The following ARID1A variants were observed in gnomAD, a reference collection of about 807,000 sequenced individuals.
ARID1A encodes the protein AT-rich interaction domain 1A, also known as AT-rich interactive domain-containing protein 1A.
Under a neutral mutation model 212.6 loss-of-function variants are expected in ARID1A, and 20 were observed. The observed-to-expected ratio is 0.09, with a 90% CI of 0.07 to 0.14. The LOEUF (loss-of-function observed/expected upper bound fraction) is 0.14. Among genes scored for constraint, ARID1A ranks in the 10% least tolerant of loss-of-function variants. ARID1A has a pLI of 1.00. For synonymous variants in ARID1A, 1,376 were observed against 1,222.1 expected (o/e 1.13, Z -2.63); for missense variants, 2,587 against 3,059.0 (o/e 0.85, Z 3.64).
In ARID1A at chr1:26,774,406, C is replaced by T. The variant is rs2124117517; in HGVS notation, c.4179C>T (p.Tyr1393=). ...AAGGGGAGATGTACAGCGTGCCATA[C>T]AGCACTGGGCAGGGGCAGCCTCAGC... ...RHEGEMYSVP[Y]STGQGQPQQQ... The change falls in exon 18 of 20, where the codon TAC becomes TAT. Residue 1393 remains tyrosine, a synonymous_variant. Coordinates refer to ENST00000324856, the MANE Select transcript of ARID1A (RefSeq NM_006015.6). The surrounding 1 kb of genome is among the most constrained non-coding windows in gnomAD (Gnocchi z 5.6). 6.2e-7 allele frequency: 1 copy of T among 1,610,206 alleles called. No homozygotes were observed. The highest frequency in any genetic ancestry group is 8.5e-7 in the Non-Finnish European group (1 of 1,177,608).
chr1:26,748,118 T>G (rs2080854138), intron 4 of ARID1A, among the ~76,000 whole-genome samples: 1 of 152,196 alleles, frequency 6.6e-6, no homozygotes, highest in African/African-American at 2.4e-5. Context: ...AGTATAAATT[T>G]AAGAGTTTAC....
At chr1:26,713,742 A>T (rs1187849282) in intron 1 of ARID1A, among the ~76,000 whole-genome samples, 2 of 152,132 alleles carry the variant, frequency 1.3e-5, no homozygotes, top group Non-Finnish European at 2.9e-5. Context: ...CAAGTTCCTA[A>T]ATGGTCTCTA....
intron 1 of ARID1A, among the ~76,000 whole-genome samples, chr1:26,722,659 G>C (rs1353545563): frequency 6.6e-6 from 1 of 152,246 alleles, no homozygotes; most frequent in African/African-American, 2.4e-5. Context: ...ACCAAAGGCA[G>C]ATGGTCAGTT....
chr1:26,765,543 A>T (rs1237259453), intron 8 of ARID1A: 1 of 151,580 alleles, frequency 6.6e-6, no homozygotes, highest in East Asian at 1.9e-4. Context: ...CTCTCTTAGT[A>T]TCTTTCGTGG....
chr1:26,756,051 G>T (rs1335485187), intron 4 of ARID1A, among the ~76,000 whole-genome samples: 3 of 151,782 alleles, frequency 2.0e-5, no homozygotes, highest in Middle Eastern at 3.4e-3. Context: ...CCAAGTTTTG[G>T]TTTTTTGTTT....
intron 13 of ARID1A, 74 bp from the exon 14 acceptor site, chr1:26,772,738 G>C (rs2124105870): frequency 1.2e-6 from 2 of 1,606,044 alleles, no homozygotes; most frequent in Non-Finnish European, 1.7e-6. Context: ...CCCAGCCAGT[G>C]ACTCCTGCGT....
chr1:26,735,056 G>A (rs1206402398), intron 4 of ARID1A, among the ~76,000 whole-genome samples: 1 of 150,986 alleles, frequency 6.6e-6, no homozygotes, highest in African/African-American at 2.4e-5. Context: ...TCCTGATCAT[G>A]TTATCCCTAT....
Position 26,697,434 on chromosome 1 carries a change from C to T in ARID1A, c.1031C>T (p.Ala344Val), listed in dbSNP as rs1398622047. The change falls in exon 1 of 20, where the codon GCT (alanine) becomes GTT (valine). Residue 344 changes from alanine to valine, a missense_variant. Coordinates refer to ENST00000324856, the MANE Select transcript of ARID1A (RefSeq NM_006015.6). Reference sequence around the variant, plus strand: ...TGTTGGGGGGCTGCGGCGGCGGCAGCTGCGGCGGCGGCCGCCTCGGGAGGG... The same window carrying T: ...TGTTGGGGGGCTGCGGCGGCGGCAGTTGCGGCGGCGGCCGCCTCGGGAGGG... ...SQCWGAAAAA[A>V]AAAAASGGAQ... is the part of the protein sequence containing the mutation. The T allele has an allele frequency of 9.6e-6, 13 of 1,353,168 alleles. No individual in the cohort carries two copies. The highest frequency in any genetic ancestry group is 9.4e-7 in the Non-Finnish European group (1 of 1,063,754). 83.8% of individuals were successfully genotyped at this position (1,353,168 alleles called of 1,614,324 possible).
Position 26,779,180 on chromosome 1 carries a change from G to A in ARID1A, c.5282G>A (p.Gly1761Asp), listed in dbSNP as rs928266893. 1 of 1,608,362 alleles carries A rather than the reference G, an allele frequency of 6.2e-7. No homozygotes were observed. Among genetic ancestry groups the A allele is most frequent in the Non-Finnish European group, 8.5e-7 (1 of 1,176,532 alleles). Residue 1761 changes from glycine (G) to aspartate (D), a missense_variant, in exon 20 of 20, where the codon GGT (glycine) becomes GAT (aspartate). Around this residue, in one of 11 missense-constraint regions of ARID1A, gnomAD observed 890 missense variants for 1,098.2 expected, o/e 0.81. Coordinates refer to ENST00000324856, the MANE Select transcript of ARID1A (RefSeq NM_006015.6). Reference protein sequence around the residue: ...SKVSSPAPMEGGEEEEELLGP... With the variant: ...SKVSSPAPMEDGEEEEELLGP... Reference sequence around the variant, plus strand: ...GTGTCTAGTCCAGCTCCCATGGAGGGTGGGGAAGAAGAAGAAGAACTTCTA... The same window carrying A: ...GTGTCTAGTCCAGCTCCCATGGAGGATGGGGAAGAAGAAGAAGAACTTCTA...
chr1:26,768,094 G>A, intron 11 of ARID1A, 95 bp downstream of exon 11: 3 of 1,327,342 alleles, frequency 2.3e-6, no homozygotes, highest in South Asian at 2.8e-5. Flanking sequence ...CATCCCACAG[G>A]GACATCATCC....
At chr1:26,713,773 T>C (rs892639017) in intron 1 of ARID1A, among the ~76,000 whole-genome samples, 3 of 152,216 alleles carry the variant, frequency 2.0e-5, no homozygotes, top group Admixed American at 6.5e-5. Flanking sequence ...TTTCCCACTT[T>C]ATTGTCTTTG....
In ARID1A at chr1:26,697,558, G is replaced by T; in HGVS notation, c.1137+18G>T. The T allele has an allele frequency of 7.5e-7, 1 of 1,334,674 alleles. No homozygotes were observed. The highest frequency in any genetic ancestry group is 2.0e-5 in the South Asian group (1 of 50,122). The allele number at this position is 1,334,674 out of a possible 1,614,324, so 82.7% of individuals were successfully genotyped here. ...CCCCTCAGGTACACAGCTGAGTGGG[G>T]AGGGGGCTGGGGCGAGCGTGGTCCT... is the stretch of plus-strand genomic sequence containing the variant. On this transcript the variant is annotated intron_variant, in intron 1 of 19. Transcript: ENST00000324856.
chr1:26,718,927 T>A (rs1171276401), intron 1 of ARID1A, among the ~76,000 whole-genome samples: 1 of 152,242 alleles, frequency 6.6e-6, no homozygotes, highest in East Asian at 1.9e-4. Context: ...ACAACAGTTA[T>A]GTGATTGTGG....
intron 1 of ARID1A, among the ~76,000 whole-genome samples, chr1:26,704,583 C>T (rs539111427): frequency 6.6e-6 from 1 of 152,036 alleles, no homozygotes; most frequent in Non-Finnish European, 1.5e-5. Flanking sequence ...TTTGGCCGGG[C>T]GCGGTAGCTC....
In ARID1A at chr1:26,696,819, C is replaced by T; in HGVS notation, c.416C>T (p.Ala139Val). Residue 139 changes from alanine to valine, a missense_variant, in exon 1 of 20, where the codon GCC (alanine) becomes GTC (valine). Transcript: ENST00000324856. ...SDGVGAPPHSAAAALPPPAYG... is the reference protein window; with the variant it reads ...SDGVGAPPHSVAAALPPPAYG... ...GGGGTGGGGGCGCCTCCTCACTCAG[C>T]CGCGGCCGCCTTGCCGCCCCCAGCC... 7.5e-7 allele frequency: 1 copy of T among 1,340,636 alleles called. No homozygotes were observed. The highest frequency in any genetic ancestry group is 3.1e-5 in the East Asian group (1 of 32,148). 83.0% of individuals were successfully genotyped at this position (1,340,636 alleles called of 1,614,324 possible).
intron 4 of ARID1A, among the ~76,000 whole-genome samples, chr1:26,744,135 A>G (rs1463971587): frequency 1.3e-5 from 2 of 152,142 alleles, no homozygotes; most frequent in Non-Finnish European, 2.9e-5. Context: ...CTGTGCATGT[A>G]GCCATCCCTT....
rs2081102360 is a variant in ARID1A, at chr1:26,773,411, A to G, written c.3781A>G (p.Ser1261Gly). Residue 1261 changes from serine to glycine, a missense_variant, in exon 15 of 20, where the codon AGT becomes GGT. Coordinates refer to ENST00000324856, the MANE Select transcript of ARID1A (RefSeq NM_006015.6). ...CAACGGCGGGATGGGTGACCCCTAC[A>G]GTCGTGCTGCCGGCCCTGGGCTAGG... ...GPNGGMGDPY[S>G]RAAGPGLGNV... 6.2e-7 allele frequency: 1 copy of G among 1,613,002 alleles called. No individual in the cohort carries two copies. The highest frequency in any genetic ancestry group is 1.7e-5 in the Admixed American group (1 of 59,896).
At chr1:26,773,923 C>G in intron 17 of ARID1A, 25 bp downstream of exon 17, 1 of 1,608,366 alleles carries the variant, frequency 6.2e-7, no homozygotes, top group Non-Finnish European at 8.5e-7. Flanking sequence ...TGGGAATGGA[C>G]TGGCATGCAG....
chr1:26,753,003 A>G (rs1016662456), intron 4 of ARID1A: 5 of 152,226 alleles, frequency 3.3e-5, no homozygotes, highest in African/African-American at 1.2e-4. Context: ...AAATCTGAGC[A>G]TTGCCATGAG....
Sources: gnomAD v4.1 joint callset for allele counts (sites outside exome capture counted in the v4.1 genomes callset) on GRCh38, gnomAD v4.1.1 for gene constraint, gnomAD v4.1.1 regional missense constraint, Gnocchi (gnomAD v3.1) non-coding constraint, MANE v1.5 for transcripts, NCBI Gene and HGNC (gene_info 2026-07-23, HGNC 2026-07-21) for gene names.